Variants in OXR1 observed in about 807,000 individuals in gnomAD.
The protein encoded by OXR1 is oxidation resistance 1.
In OXR1, 41 loss-of-function variants were observed where a neutral mutation model predicts 104.6. That is an observed-to-expected ratio of 0.39 (90% CI 0.31 to 0.51). The LOEUF is 0.51. OXR1 is among the 20% of genes least tolerant of loss of function. The pLI is 0.77. For synonymous variants in OXR1, 348 were observed against 348.4 expected, an observed-to-expected ratio of 1.00 and a Z score of 0.01; for missense variants, 955 against 1,031.9, an observed-to-expected ratio of 0.93 and a Z score of 1.02.
At chr8:106,642,686 A>C (rs1432861051) in intron 3 of OXR1, among the ~76,000 whole-genome samples, 1 of 152,192 alleles carries the variant, frequency 6.6e-6, no homozygotes, top group Non-Finnish European at 1.5e-5. Context: ...AAAAAAGAAG[A>C]ATCAGGTTTG....
At chr8:106,392,041 G>A (rs1028231874) in intron 2 of OXR1, among the ~76,000 whole-genome samples, 7 of 152,270 alleles carry the variant, frequency 4.6e-5, no homozygotes, top group Admixed American at 2.0e-4. Flanking sequence ...GCTGCAGGAC[G>A]TTTGAAAGAA....
chr8:106,288,515 T>G (rs576082538), intron 1 of OXR1, among the ~76,000 whole-genome samples: 2 of 124,628 alleles, frequency 1.6e-5, no homozygotes, highest in South Asian at 4.9e-4. Flanking sequence ...AATATGTGTG[T>G]GTATATATAT....
At chr8:106,723,497 C>CA (rs550424646) in intron 11 of OXR1, among the ~76,000 whole-genome samples, 18,172 of 95,538 alleles carry the variant, frequency 0.19, 1,427 homozygotes, top group Non-Finnish European at 0.24. Flanking sequence ...GCCTCTGTCT[C>CA]AAAAAAAAAA....
At chr8:106,710,832 C>G (rs751856822) in intron 10 of OXR1, 42 bp downstream of exon 10, 8 of 1,229,162 alleles carry the variant, frequency 6.5e-6, no homozygotes, top group Non-Finnish European at 8.7e-6. Context: ...TATTGAGATT[C>G]TTTGAACTAA....
At chr8:106,730,652 C>T (rs1833800666) in intron 11 of OXR1, among the ~76,000 whole-genome samples, 1 of 152,026 alleles carries the variant, frequency 6.6e-6, no homozygotes, top group Admixed American at 6.6e-5. Context: ...TGCTTTCTTC[C>T]ACCTTTTGGC....
intron 12 of OXR1, 44 bp downstream of exon 12, chr8:106,737,644 C>A: frequency 2.8e-6 from 2 of 724,478 alleles, no homozygotes; most frequent in South Asian, 3.7e-5. Flanking sequence ...ACTAAATACT[C>A]CCTGTTTTTA....
intron 2 of OXR1, among the ~76,000 whole-genome samples, chr8:106,444,948 T>C (rs1466356293): frequency 6.6e-6 from 1 of 152,098 alleles, no homozygotes; most frequent in East Asian, 1.9e-4. Context: ...TTAATATAAA[T>C]CACAGTATTT....
chr8:106,524,188 T>C (rs1284067791), intron 3 of OXR1, among the ~76,000 whole-genome samples: 1 of 152,178 alleles, frequency 6.6e-6, no homozygotes. Context: ...TACTTAAAGA[T>C]AGATAATGAA....
At chr8:106,597,533 A>T (rs960021548) in intron 3 of OXR1, among the ~76,000 whole-genome samples, 11 of 152,200 alleles carry the variant, frequency 7.2e-5, no homozygotes, top group African/African-American at 2.7e-4. Flanking sequence ...CTGCTTAAAG[A>T]ATATCTGTTT....
chr8:106,448,498 T>C (rs985362634), intron 2 of OXR1, among the ~76,000 whole-genome samples: 1 of 152,146 alleles, frequency 6.6e-6, no homozygotes, highest in African/African-American at 2.4e-5. Context: ...TATTTCAGTA[T>C]GTTGTATTCA....
chr8:106,613,387 C>T (rs1213566028), intron 3 of OXR1, among the ~76,000 whole-genome samples: 4 of 152,220 alleles, frequency 2.6e-5, no homozygotes, highest in African/African-American at 9.7e-5. Flanking sequence ...TTCCACAAAA[C>T]CTAACATACT....
At chr8:106,697,617 C>A (rs3134127) in intron 7 of OXR1, 168,389 of 1,613,118 alleles carry the variant, frequency 0.1, 9,782 homozygotes, top group East Asian at 0.19. Context: ...CCAACCCACC[C>A]AGATTCCTCA....
chr8:106,335,296 A>G (rs1260164757), intron 1 of OXR1, among the ~76,000 whole-genome samples: 1 of 151,998 alleles, frequency 6.6e-6, no homozygotes, highest in Non-Finnish European at 1.5e-5. Context: ...CAAGTATAAA[A>G]TTACACTTTA....
intron 1 of OXR1, among the ~76,000 whole-genome samples, chr8:106,355,299 T>C (rs903294718): frequency 6.6e-6 from 1 of 152,156 alleles, no homozygotes; most frequent in African/African-American, 2.4e-5. Context: ...GAGATTTGTG[T>C]TAAGATTATG....
intron 3 of OXR1, among the ~76,000 whole-genome samples, chr8:106,610,617 C>T (rs937407082): frequency 2.6e-4 from 40 of 152,206 alleles, no homozygotes; most frequent in African/African-American, 9.4e-4. Context: ...GTGGAAGTTC[C>T]TCTGGCTGCC....
At chr8:106,555,920 A>ATATGTATG (rs1490156422) in intron 3 of OXR1, among the ~76,000 whole-genome samples, 5 of 29,440 alleles carry the variant, frequency 1.7e-4, no homozygotes, top group African/African-American at 5.6e-4. Context: ...AGGCATACGT[A>ATATGTATG]TATATATGTA....
Position 106,742,214 on chromosome 8 carries a change from A to G in OXR1, c.2317-8A>G, listed in dbSNP as rs1297049782. 6.5e-7 allele frequency: 1 copy of G among 1,537,800 alleles called. No individual in the cohort carries two copies. Among genetic ancestry groups the G allele is most frequent in the African/African-American group, 1.4e-5 (1 of 73,842 alleles). On this transcript the variant is annotated splice_polypyrimidine_tract_variant and splice_region_variant and intron_variant, in intron 14 of 16. Transcript: ENST00000517566. The stretch of plus-strand genomic sequence containing the variant: ...TCGTGTCATTGAATATGCCTTTTTT[A>G]TCCTTAGGTTTTTGGTGCGTTAGCA...
At chr8:106,621,430 A>C (rs1821688660) in intron 3 of OXR1, among the ~76,000 whole-genome samples, 1 of 152,126 alleles carries the variant, frequency 6.6e-6, no homozygotes, top group African/African-American at 2.4e-5. Context: ...CAGCCTGGGC[A>C]ACAGAGTGAG....
intron 2 of OXR1, among the ~76,000 whole-genome samples, chr8:106,464,708 A>G (rs1476222331): frequency 6.6e-6 from 1 of 152,050 alleles, no homozygotes. Context: ...GTTGAGTGGC[A>G]GGTCTTACTT....
Sources: gnomAD v4.1 joint callset for allele counts (sites outside exome capture counted in the v4.1 genomes callset) on GRCh38, gnomAD v4.1.1 for gene constraint, MANE v1.5 for transcripts, NCBI Gene and HGNC (gene_info 2026-07-23, HGNC 2026-07-21) for gene names.